RFTN2: variants seen among roughly 807,000 people sequenced by gnomAD.
The protein encoded by RFTN2 is raftlin-2.
A neutral mutation model predicts 52.7 loss-of-function variants in RFTN2; 34 were observed. The observed-to-expected ratio is 0.64, with a 90% CI of 0.49 to 0.86. RFTN2 has a LOEUF of 0.86. Ranked by LOEUF, RFTN2 falls within the 40% of genes least tolerant of loss-of-function variation. The pLI is 0.00. For synonymous variants in RFTN2, 203 were observed against 217.7 expected, an observed-to-expected ratio of 0.93 and a Z score of 0.59; for missense variants, 536 against 600.1, an observed-to-expected ratio of 0.89 and a Z score of 1.12.
intron 1 of RFTN2, among the ~76,000 whole-genome samples, chr2:197,672,631 T>C (rs1343529972): frequency 6.6e-6 from 1 of 152,190 alleles, no homozygotes; most frequent in Admixed American, 6.5e-5. Context: ...GGTCCTTTGA[T>C]CCTTAAAACA....
intron 7 of RFTN2, among the ~76,000 whole-genome samples, chr2:197,613,271 T>C (rs973102627): frequency 6.6e-6 from 1 of 152,228 alleles, no homozygotes; most frequent in Non-Finnish European, 1.5e-5. Context: ...TAGCTTAATA[T>C]GCCCAGGCCC....
In RFTN2 at chr2:197,596,914, T is replaced by G. The variant is rs550440656; in HGVS notation, c.1155-845A>C. On this transcript the variant is annotated intron_variant, in intron 7 of 8. Transcript: ENST00000295049. ...AAATTACCCCTTGCCAAAGACTGCTTGGGGTTTGTATTCCTCTGAAATGCT... is the reference window on the plus strand; with the variant it reads ...AAATTACCCCTTGCCAAAGACTGCTGGGGGTTTGTATTCCTCTGAAATGCT... 4.9e-3 allele frequency among the ~76,000 whole-genome samples: 748 copies of G among 152,326 alleles called. 2 individuals are homozygous for G. Among genetic ancestry groups the G allele is most frequent in the Non-Finnish European group, 8.0e-3 (547 of 68,026 alleles).
intron 8 of RFTN2, among the ~76,000 whole-genome samples, chr2:197,585,119 C>A (rs2087575085): frequency 6.6e-6 from 1 of 152,216 alleles, no homozygotes; most frequent in Non-Finnish European, 1.5e-5. Flanking sequence ...GTCGCAAGTA[C>A]TCTCTCCTAC....
intron 3 of RFTN2, among the ~76,000 whole-genome samples, chr2:197,640,741 G>A (rs933512507): frequency 3.9e-5 from 6 of 152,012 alleles, no homozygotes; most frequent in Non-Finnish European, 8.8e-5. Context: ...GTTCCTATTC[G>A]GCCATCTTGG....
intron 8 of RFTN2, among the ~76,000 whole-genome samples, chr2:197,594,700 T>C (rs560215264): frequency 4.5e-4 from 68 of 152,318 alleles, no homozygotes; most frequent in African/African-American, 1.6e-3. Context: ...GTTGCAGTGC[T>C]CACTTGTGGG....
intron 5 of RFTN2, 137 bp from the exon 6 acceptor site, chr2:197,618,058 C>G (rs974660702): frequency 6.9e-6 from 3 of 435,854 alleles, no homozygotes; most frequent in Non-Finnish European, 1.1e-5. Context: ...CCCCCTCCCC[C>G]TCCCCCTCTC....
At chr2:197,633,688 T>C (rs2088503792) in intron 4 of RFTN2, 30 bp downstream of exon 4, 1 of 1,582,832 alleles carries the variant, frequency 6.3e-7, no homozygotes. Context: ...AACTATAGTA[T>C]ATTCTCTTTC....
intron 5 of RFTN2, among the ~76,000 whole-genome samples, chr2:197,628,550 C>T (rs2088407130): frequency 6.6e-6 from 1 of 152,158 alleles, no homozygotes; most frequent in Admixed American, 6.5e-5. Context: ...TTCTGTTCAG[C>T]AGTTAGTCAC....
intron 3 of RFTN2, among the ~76,000 whole-genome samples, chr2:197,643,483 C>A (rs2088703113): frequency 6.6e-6 from 1 of 152,138 alleles, no homozygotes; most frequent in African/African-American, 2.4e-5. Context: ...TTTTTATTTA[C>A]ATTAAACATT....
intron 8 of RFTN2, among the ~76,000 whole-genome samples, chr2:197,582,295 G>C (rs1457058149): frequency 6.6e-6 from 1 of 152,100 alleles, no homozygotes; most frequent in Non-Finnish European, 1.5e-5. Flanking sequence ...TCTTTGTTGA[G>C]TCTCCCACAA....
At chr2:197,596,766 C>A (rs2087798610) in intron 7 of RFTN2, among the ~76,000 whole-genome samples, 1 of 152,088 alleles carries the variant, frequency 6.6e-6, no homozygotes, top group Non-Finnish European at 1.5e-5. Flanking sequence ...ATTTAGGCTG[C>A]CACATGTGAG....
chr2:197,638,197 GA>G (rs1228113926), intron 3 of RFTN2, among the ~76,000 whole-genome samples: 1 of 124,102 alleles, frequency 8.1e-6, no homozygotes, highest in Non-Finnish European at 1.8e-5. Flanking sequence ...GTGTGGTGCT[GA>G]AAAAAATGTA....
chr2:197,592,340 C>T (rs1419923788), intron 8 of RFTN2, among the ~76,000 whole-genome samples: 2 of 152,184 alleles, frequency 1.3e-5, no homozygotes, highest in East Asian at 3.9e-4. Context: ...GGATTACAGG[C>T]ATGTGCCACC....
rs181568504 is a variant in RFTN2 at position 197,605,613 on chromosome 2, T to C, written c.1155-9544A>G. On this transcript the variant is annotated intron_variant, in intron 7 of 8. Coordinates refer to ENST00000295049, the MANE Select transcript of RFTN2 (RefSeq NM_144629.3). ...TGCACTTTTCTGACATTGCTTTGCTTAAGGTTGCCAGAGAAAGCAAATAAT... is the reference window on the plus strand; with the variant it reads ...TGCACTTTTCTGACATTGCTTTGCTCAAGGTTGCCAGAGAAAGCAAATAAT... Among the ~76,000 whole-genome samples the C allele has an allele frequency of 1.8e-3, 273 of 152,334 alleles. 2 individuals are homozygous for C. Among genetic ancestry groups the C allele is most frequent in the Middle Eastern group, 3.4e-3 (1 of 294 alleles).
At position 197,633,850 on chromosome 2, in the gene RFTN2, T is replaced by C. The variant is rs138508855; in HGVS notation, c.586A>G (p.Ser196Gly). The change falls in exon 4 of 9, where the codon AGT (serine) becomes GGT (glycine). Residue 196 changes from serine (S) to glycine (G), a missense_variant. Coordinates refer to ENST00000295049, the MANE Select transcript of RFTN2 (RefSeq NM_144629.3). ...CCACTTAACGTCCCTTCATTCCAAC[T>C]TCTACAGTTTTCATCTGAACCGTGT... Reference protein sequence around the residue: ...VRHGSDENCRSWNEGTLSGQS... With the variant: ...VRHGSDENCRGWNEGTLSGQS... 6.2e-7 allele frequency: 1 copy of C among 1,613,964 alleles called. No homozygotes were observed. Among genetic ancestry groups the C allele is most frequent in the Non-Finnish European group, 8.5e-7 (1 of 1,179,896 alleles).
chr2:197,654,824 G>A (rs546228567), intron 1 of RFTN2, among the ~76,000 whole-genome samples: 31 of 151,826 alleles, frequency 2.0e-4, no homozygotes, highest in Non-Finnish European at 3.1e-4. Context: ...ATGGTGAAAC[G>A]TCAACTCTAC....
At chr2:197,660,297 TTA>T (rs199774538) in intron 1 of RFTN2, among the ~76,000 whole-genome samples, 3,635 of 152,322 alleles carry the variant, frequency 0.024, 140 homozygotes, top group African/African-American at 0.083. Context: ...AGTATCTAAT[TTA>T]TGTTACTTAT....
intron 4 of RFTN2, among the ~76,000 whole-genome samples, chr2:197,633,506 C>T (rs1473694996): frequency 6.6e-6 from 1 of 152,100 alleles, no homozygotes; most frequent in Non-Finnish European, 1.5e-5. Flanking sequence ...ATGTGGATGG[C>T]ATTTTATGTT....
intron 1 of RFTN2, among the ~76,000 whole-genome samples, chr2:197,663,208 A>G (rs1425686069): frequency 1.3e-5 from 2 of 152,074 alleles, no homozygotes; most frequent in East Asian, 1.9e-4. Context: ...ATGATGGTGT[A>G]TTATCTTTTT....
Sources: gnomAD v4.1 joint callset for allele counts (sites outside exome capture counted in the v4.1 genomes callset) on GRCh38, gnomAD v4.1.1 for gene constraint, MANE v1.5 for transcripts, NCBI Gene and HGNC (gene_info 2026-07-23, HGNC 2026-07-21) for gene names.